The following BRIX1 variants were observed in gnomAD, a reference collection of about 807,000 sequenced individuals.
The protein encoded by BRIX1 is ribosome biogenesis protein BRX1 homolog.
A neutral mutation model predicts 44.0 loss-of-function variants in BRIX1; 15 were observed. That is an observed-to-expected ratio of 0.34 (90% confidence interval 0.23 to 0.53). The LOEUF (loss-of-function observed/expected upper bound fraction) is 0.53, where lower values mean the gene tolerates loss of function less well. Ranked by LOEUF, BRIX1 falls within the 20% of genes least tolerant of loss-of-function variation. BRIX1 has a pLI of 0.95. For missense variants in BRIX1, 420 were observed against 432.8 expected, an observed-to-expected ratio of 0.97 and a Z score of 0.26; for synonymous variants, 149 against 135.4, an observed-to-expected ratio of 1.10 and a Z score of -0.70.
chr5:34,924,049 A>G (rs1258099880), intron 8 of BRIX1, among the ~76,000 whole-genome samples: 2 of 152,228 alleles, frequency 1.3e-5, no homozygotes, highest in Non-Finnish European at 2.9e-5. Flanking sequence ...CTCTCAAAGC[A>G]CCTCAAAGGT....
At chr5:34,921,297 T>C (rs1764231714) in intron 3 of BRIX1, 1 of 152,220 alleles carries the variant, frequency 6.6e-6, no homozygotes, top group Non-Finnish European at 1.5e-5. Flanking sequence ...CATTGAAGTT[T>C]AATTTGAAAT....
intron 3 of BRIX1, chr5:34,921,999 C>A: frequency 4.0e-5 from 10 of 251,384 alleles, no homozygotes; most frequent in South Asian, 1.6e-4. Context: ...TAGATAATTT[C>A]ACCCAAGATA....
At chr5:34,920,290 C>T (rs141082367) in intron 3 of BRIX1, 181 of 152,940 alleles carry the variant, frequency 1.2e-3, no homozygotes, top group African/African-American at 4.2e-3. Flanking sequence ...TTGTGTGGAA[C>T]TGGCTATTAA....
chr5:34,922,453 T>C, intron 4 of BRIX1, 86 bp from the exon 5 acceptor site: 1 of 956,086 alleles, frequency 1.0e-6, no homozygotes, highest in Non-Finnish European at 1.6e-6. Context: ...GTATAAATAT[T>C]ATAAGCATAT....
chr5:34,916,416 G>C (rs557611939), intron 1 of BRIX1: 1 of 152,612 alleles, frequency 6.6e-6, no homozygotes, highest in Admixed American at 6.5e-5. Flanking sequence ...TAGGTAGTAT[G>C]AGCTTTACTT....
intron 1 of BRIX1, among the ~76,000 whole-genome samples, chr5:34,917,716 G>C (rs1477885381): frequency 6.6e-6 from 1 of 152,134 alleles, no homozygotes; most frequent in Non-Finnish European, 1.5e-5. Flanking sequence ...TGTCTGGGAA[G>C]GTTAGCCATT....
Position 34,915,730 on chromosome 5 carries a change from C to G in BRIX1, c.-9C>G, listed in dbSNP as rs376700900. On this transcript the variant is annotated 5_prime_UTR_variant, in exon 1 of 10. Coordinates refer to ENST00000336767, the MANE Select transcript of BRIX1 (RefSeq NM_018321.4). ...GAAAGGAGGCCAAGAGCGCGGGCGG[C>G]GAGGCAAGATGGCGGCAACCAAGAG... The G allele has an allele frequency of 1.2e-4, 198 of 1,594,220 alleles. No individual in the cohort carries two copies. Among genetic ancestry groups the G allele is most frequent in the Non-Finnish European group, 1.6e-4 (183 of 1,170,914 alleles).
chr5:34,925,596 G>A lies in BRIX1; in HGVS notation c.*101G>A. ...TAATACTATCTTACGTCTAATTAGTGTAGCATTTACAAGAAAGAAAAATTA... is the reference window on the plus strand; with the variant it reads ...TAATACTATCTTACGTCTAATTAGTATAGCATTTACAAGAAAGAAAAATTA... On this transcript the variant is annotated 3_prime_UTR_variant, in exon 10 of 10. Coordinates refer to ENST00000336767, the MANE Select transcript of BRIX1 (RefSeq NM_018321.4). 1 of 996,212 alleles carries A rather than the reference G, an allele frequency of 1.0e-6. No homozygotes were observed. Among genetic ancestry groups the A allele is most frequent in the Non-Finnish European group, 1.4e-6 (1 of 709,946 alleles). 61.7% of individuals were successfully genotyped at this position (996,212 alleles called of 1,614,324 possible).
chr5:34,923,274 T>C (rs1415558573), intron 8 of BRIX1, 40 bp downstream of exon 8: 1 of 1,396,832 alleles, frequency 7.2e-7, no homozygotes, highest in Admixed American at 1.7e-5. Flanking sequence ...TTTTTTTTAA[T>C]TGAGTTTATT....
At position 34,923,186 on chromosome 5, in the gene BRIX1, G is replaced by T. The variant is rs1393991239; in HGVS notation, c.615G>T (p.Val205=). Residue 205 remains valine, a synonymous_variant, in exon 8 of 10, where the codon GTG becomes GTT. Coordinates refer to ENST00000336767, the MANE Select transcript of BRIX1 (RefSeq NM_018321.4). Reference sequence around the variant, plus strand: ...AAAGCCAACCATTTGTGGACCACGTGTTTACTTTCACCATTTTGGATAATA... The same window carrying T: ...AAAGCCAACCATTTGTGGACCACGTTTTTACTTTCACCATTTTGGATAATA... ...HPKSQPFVDH[V]FTFTILDNRI... The T allele has an allele frequency of 6.2e-7, 1 of 1,614,132 alleles. No individual in the cohort carries two copies. The highest frequency in any genetic ancestry group is 2.2e-5 in the East Asian group (1 of 44,882).
chr5:34,915,815 C>T lies in BRIX1; in HGVS notation c.77C>T (p.Ala26Val). ...AAGCCAAAAAGAAACGAAATAGATG[C>T]GGAGCCGCCAGCTAAGCGGCACGCC... ...AKKPKRNEIDAEPPAKRHATA... is the reference protein window; with the variant it reads ...AKKPKRNEIDVEPPAKRHATA... The change falls in exon 1 of 10, where the codon GCG becomes GTG. Residue 26 changes from alanine (A) to valine (V), a missense_variant. Ala to Val is a moderately conservative substitution (Grantham distance 64, BLOSUM62 0). Transcript: ENST00000336767. 2 of 1,579,022 alleles carry T rather than the reference C, an allele frequency of 1.3e-6. No individual in the cohort carries two copies. Among genetic ancestry groups the T allele is most frequent in the African/African-American group, 1.3e-5 (1 of 74,192 alleles).
At chr5:34,917,532 C>T (rs534152889) in intron 1 of BRIX1, among the ~76,000 whole-genome samples, 3 of 151,196 alleles carry the variant, frequency 2.0e-5, no homozygotes, top group African/African-American at 7.3e-5. Flanking sequence ...CCCAGCTACT[C>T]GGGAGTCTGA....
rs1764271440 is a variant in BRIX1 at position 34,922,921 on chromosome 5, C to G, written c.511-80C>G. On this transcript the variant is annotated intron_variant, in intron 6 of 9. Transcript: ENST00000336767. ...GGTACATTTATAATGAGGTTATAGC[C>G]AAGTTATAGAAACAAATGAGCAAAC... 25 of 1,254,266 alleles carry G rather than the reference C, an allele frequency of 2.0e-5. No individual in the cohort carries two copies. In the South Asian group the frequency reaches 3.1e-4, roughly 15 times the overall value. The allele number at this position is 1,254,266 out of a possible 1,614,324, so 77.7% of individuals were successfully genotyped here.
At chr5:34,916,966 G>A (rs746616088) in intron 1 of BRIX1, among the ~76,000 whole-genome samples, 11 of 152,164 alleles carry the variant, frequency 7.2e-5, no homozygotes, top group Non-Finnish European at 1.2e-4. Context: ...GAGCTAGGTA[G>A]TATCTATAAT....
intron 9 of BRIX1, 22 bp from the exon 10 acceptor site, chr5:34,925,204 A>C: frequency 6.7e-7 from 1 of 1,484,014 alleles, no homozygotes; most frequent in Non-Finnish European, 9.1e-7. Flanking sequence ...AAAAGCATCT[A>C]ATCTTTTTTT....
In BRIX1 at chr5:34,918,372, G is replaced by A; in HGVS notation, c.168G>A (p.Trp56Ter). 1 of 1,471,612 alleles carries A rather than the reference G, an allele frequency of 6.8e-7. No individual in the cohort carries two copies. The highest frequency in any genetic ancestry group is 9.4e-7 in the Non-Finnish European group (1 of 1,059,208). The allele number at this position is 1,471,612 out of a possible 1,614,324, so 91.2% of individuals were successfully genotyped here. ...RIPGPVCKGK[W>*]KNKERILIFS... ...ATTTTCTTTTTCTTTAGGGAAAGTG[G>A]AAAAATAAGGAACGGATTCTCATCT... Residue 56 changes from tryptophan (W) to a stop codon, truncating the protein, a stop_gained, in exon 2 of 10, where the codon TGG becomes TGA. Transcript: ENST00000336767. LOFTEE classifies it high-confidence loss of function.
intron 6 of BRIX1, 91 bp from the exon 7 acceptor site, chr5:34,922,910 G>C: frequency 8.1e-7 from 1 of 1,228,852 alleles, no homozygotes; most frequent in Non-Finnish European, 1.2e-6. Context: ...CATTTATAAT[G>C]AGGTTATAGC....
chr5:34,925,217 T>G lies in BRIX1; in HGVS notation c.793-9T>G. ...TCAAAAGCATCTAATCTTTTTTTTT[T>G]TTTTTTAGCATCGGCGTGTCATAAG... On this transcript the variant is annotated splice_polypyrimidine_tract_variant and intron_variant, in intron 9 of 9. Transcript: ENST00000336767. 6.6e-7 allele frequency: 1 copy of G among 1,512,804 alleles called. No homozygotes were observed. Among genetic ancestry groups the G allele is most frequent in the Non-Finnish European group, 8.8e-7 (1 of 1,136,258 alleles). 93.7% of individuals were successfully genotyped at this position (1,512,804 alleles called of 1,614,324 possible).
intron 1 of BRIX1, 27 bp from the exon 2 acceptor site, chr5:34,918,337 A>G: frequency 1.7e-6 from 2 of 1,197,586 alleles, no homozygotes; most frequent in South Asian, 1.3e-5. Flanking sequence ...AGATTTTAAA[A>G]TCTTTTAACA....
Sources: gnomAD v4.1 joint callset for allele counts (sites outside exome capture counted in the v4.1 genomes callset) on GRCh38, gnomAD v4.1.1 for gene constraint, MANE v1.5 for transcripts, NCBI Gene and HGNC (gene_info 2026-07-23, HGNC 2026-07-21) for gene names.